Variants in STAT4 observed in about 807,000 individuals in gnomAD.
STAT4 encodes the protein signal transducer and activator of transcription 4.
STAT4 carries 42 observed loss-of-function variants against 110.5 expected under a neutral mutation model. The ratio of observed to expected loss-of-function variants is 0.38; its 90% confidence interval spans 0.30 to 0.49. The LOEUF is 0.49. Ranked by LOEUF, STAT4 falls within the 20% of genes least tolerant of loss-of-function variation. STAT4 has a pLI of 0.95. For synonymous variants in STAT4, 284 were observed against 302.2 expected (o/e 0.94, Z 0.63); for missense variants, 632 against 887.9 (o/e 0.71, Z 3.66).
At chr2:191,078,975 A>G (rs997978715) in intron 3 of STAT4, among the ~76,000 whole-genome samples, 3 of 152,026 alleles carry the variant, frequency 2.0e-5, no homozygotes, top group African/African-American at 4.8e-5. Flanking sequence ...TTTTTTCCAC[A>G]TGTCTACCAA....
rs1470089186 is a variant in STAT4, at chr2:191,046,152, G to C, written c.1252-5004C>G. Among the ~76,000 whole-genome samples, 3 of 152,228 alleles carry C rather than the reference G, an allele frequency of 2.0e-5. No individual in the cohort carries two copies. Among genetic ancestry groups the C allele is most frequent in the Non-Finnish European group, 4.4e-5 (3 of 68,040 alleles). On this transcript the variant is annotated intron_variant, in intron 14 of 23. Transcript: ENST00000392320. The surrounding 1 kb of genome is among the most constrained non-coding windows in gnomAD (Gnocchi z 4.6). The stretch of plus-strand genomic sequence containing the variant: ...TCACATTATCTCTGAGTTCAATGGT[G>C]CAGAACATTTGAGAGGCCTCAGGCA...
At chr2:191,070,860 G>C (rs188877339) in intron 5 of STAT4, among the ~76,000 whole-genome samples, 61 of 151,842 alleles carry the variant, frequency 4.0e-4, no homozygotes, top group Admixed American at 1.7e-3. Context: ...GGGGTGTGGG[G>C]GTGGGACGAA....
chr2:191,119,551 T>C (rs1307217573), intron 3 of STAT4, among the ~76,000 whole-genome samples: 1 of 152,176 alleles, frequency 6.6e-6, no homozygotes, highest in Non-Finnish European at 1.5e-5. Context: ...AAAAGATGTT[T>C]TGTGTTTAAG....
chr2:191,056,868 C>T (rs772490545), intron 13 of STAT4, among the ~76,000 whole-genome samples: 5 of 150,612 alleles, frequency 3.3e-5, no homozygotes, highest in South Asian at 4.2e-4. Flanking sequence ...CTGCAAACTC[C>T]GCCTCCCGGG....
chr2:191,092,633 G>A (rs888157278), intron 3 of STAT4, among the ~76,000 whole-genome samples: 4 of 152,280 alleles, frequency 2.6e-5, no homozygotes, highest in Admixed American at 2.6e-4. Flanking sequence ...TGTGATTGAT[G>A]CAGAAGACAG....
chr2:191,044,094 T>C (rs1345151777), intron 14 of STAT4, among the ~76,000 whole-genome samples: 1 of 152,134 alleles, frequency 6.6e-6, no homozygotes, highest in African/African-American at 2.4e-5. Context: ...TTTAAGCTAT[T>C]TGATGGGTGT....
intron 4 of STAT4, chr2:191,076,026 T>G: frequency 2.0e-6 from 1 of 487,876 alleles, no homozygotes; most frequent in South Asian, 2.8e-5. Flanking sequence ...ATTTTTAATT[T>G]TTTTTTTTTT....
rs1464810917 is a variant in STAT4 at position 191,148,071 on chromosome 2, C to G, written c.128+5G>C. 6.2e-7 allele frequency: 1 copy of G among 1,613,200 alleles called. No individual in the cohort carries two copies. The highest frequency in any genetic ancestry group is 8.5e-7 in the Non-Finnish European group (1 of 1,179,540). Reference sequence around the variant, plus strand: ...AACTTCTAGGGAAAATATGTTTGATCCTACCAGTCTTGATTTTCAATCCAT... The same window carrying G: ...AACTTCTAGGGAAAATATGTTTGATGCTACCAGTCTTGATTTTCAATCCAT... On this transcript the variant is annotated splice_donor_5th_base_variant and intron_variant, in intron 2 of 23. Coordinates refer to ENST00000392320, the MANE Select transcript of STAT4 (RefSeq NM_003151.4).
rs138643410 is a variant in STAT4 at position 191,142,716 on chromosome 2, C to T, written c.273+3897G>A. On this transcript the variant is annotated intron_variant, in intron 3 of 23. Coordinates refer to ENST00000392320, the MANE Select transcript of STAT4 (RefSeq NM_003151.4). The surrounding 1 kb of genome is among the most constrained non-coding windows in gnomAD (Gnocchi z 4.1). ...CATGGAATAAAATATTTCATGTACCCCATAAATATGTAAAGTATTGTATAT... is the reference window on the plus strand; with the variant it reads ...CATGGAATAAAATATTTCATGTACCTCATAAATATGTAAAGTATTGTATAT... 1.2e-4 allele frequency among the ~76,000 whole-genome samples: 18 copies of T among 151,946 alleles called. No individual in the cohort carries two copies. The highest frequency in any genetic ancestry group is 1.9e-4 in the Non-Finnish European group (13 of 67,980).
In STAT4 at chr2:191,056,784, T is replaced by A. The variant is rs902259602; in HGVS notation, c.1206+1234A>T. 3.2e-3 allele frequency among the ~76,000 whole-genome samples: 475 copies of A among 148,336 alleles called. 1 individual carries two copies. The highest frequency in any genetic ancestry group is 0.011 in the African/African-American group (449 of 40,180). ...TTATTGTTCCCTTCTACACTATTTT[T>A]TTTTTTTTTTTTTTTGGAGACTGAG... On this transcript the variant is annotated intron_variant, in intron 13 of 23. Coordinates refer to ENST00000392320, the MANE Select transcript of STAT4 (RefSeq NM_003151.4).
At position 191,090,709 on chromosome 2, in the gene STAT4, C is replaced by T. The variant is rs564386660; in HGVS notation, c.274-14384G>A. 8.6e-5 allele frequency among the ~76,000 whole-genome samples: 13 copies of T among 152,006 alleles called. No homozygotes were observed. Among genetic ancestry groups the T allele is most frequent in the South Asian group, 2.1e-4 (1 of 4,820 alleles). ...CCGAGCAGCTGGGACTAGAGGCACC[C>T]GCCACCATGCCCGGCTAATTTTTTG... is the stretch of plus-strand genomic sequence containing the variant. On this transcript the variant is annotated intron_variant, in intron 3 of 23. Transcript: ENST00000392320. This position sits in a 1 kb window ranked among gnomAD's most constrained non-coding sequence, Gnocchi z 4.2.
In STAT4 at chr2:191,031,063, T is replaced by A; in HGVS notation, c.2129A>T (p.Glu710Val). 1 of 1,613,984 alleles carries A rather than the reference T, an allele frequency of 6.2e-7. No homozygotes were observed. Among genetic ancestry groups the A allele is most frequent in the Non-Finnish European group, 8.5e-7 (1 of 1,179,850 alleles). ...PISTIRSDST[E>V]PHSPSDLLPM... The stretch of plus-strand genomic sequence containing the variant: ...AAGAAGGTCTGATGGAGAATGTGGC[T>A]CTGTTGAATCACTTCGGCTTAAAGA... The change falls in exon 23 of 24, where the codon GAG (glutamate) becomes GTG (valine). Residue 710 changes from glutamate (E) to valine (V), a missense_variant. This residue lies in a region of STAT4 where 32 missense variants were observed against 67.6 expected (regional missense o/e 0.47). Coordinates refer to ENST00000392320, the MANE Select transcript of STAT4 (RefSeq NM_003151.4). This position sits in a 1 kb window ranked among gnomAD's most constrained non-coding sequence, Gnocchi z 4.8.
At chr2:191,139,114 CATATATGA>C (rs1699254686) in intron 3 of STAT4, among the ~76,000 whole-genome samples, 1 of 151,380 alleles carries the variant, frequency 6.6e-6, no homozygotes, top group Non-Finnish European at 1.5e-5. Context: ...TAATAAAAGC[CATATATGA>C]CAAACCTACA....
rs567620470 is a variant in STAT4, at chr2:191,084,355, C to T, written c.274-8030G>A. 1.1e-4 allele frequency among the ~76,000 whole-genome samples: 16 copies of T among 152,074 alleles called. No homozygotes were observed. The South Asian group carries it at 2.5e-3, about 24-fold the overall frequency. Reference sequence around the variant, plus strand: ...TTGAGCCATTAGGATATGATGAAGCCTAGTTCTAGGGATGGTTCTTTGATC... The same window carrying T: ...TTGAGCCATTAGGATATGATGAAGCTTAGTTCTAGGGATGGTTCTTTGATC... On this transcript the variant is annotated intron_variant, in intron 3 of 23. Transcript: ENST00000392320.
At chr2:191,063,019 G>A (rs1201749478) in intron 8 of STAT4, 99 bp from the exon 9 acceptor site, 1 of 879,232 alleles carries the variant, frequency 1.1e-6, no homozygotes, top group Non-Finnish European at 1.6e-6. Context: ...AAATTATTAA[G>A]TAATTATTAA....
At chr2:191,126,060 G>A (rs190301916) in intron 3 of STAT4, among the ~76,000 whole-genome samples, 255 of 152,290 alleles carry the variant, frequency 1.7e-3, no homozygotes, top group African/African-American at 5.7e-3. Context: ...CTGCTTGACC[G>A]TTGCTCCCTT....
chr2:191,067,570 T>C (rs1697029373), intron 6 of STAT4, among the ~76,000 whole-genome samples: 3 of 152,190 alleles, frequency 2.0e-5, no homozygotes, highest in Admixed American at 1.3e-4. Flanking sequence ...GGTCCATTCA[T>C]TAACTTTAAA....
intron 3 of STAT4, among the ~76,000 whole-genome samples, chr2:191,088,469 T>A (rs1697700923): frequency 6.6e-6 from 1 of 152,186 alleles, no homozygotes; most frequent in South Asian, 2.1e-4. Context: ...ATAAGCAGAA[T>A]AAAGACTGTA....
At chr2:191,074,380 C>A (rs1484591874) in intron 4 of STAT4, among the ~76,000 whole-genome samples, 1 of 152,188 alleles carries the variant, frequency 6.6e-6, no homozygotes, top group Non-Finnish European at 1.5e-5. Flanking sequence ...CACACTCTTA[C>A]AATTGGTAAA....
Sources: allele counts gnomAD v4.1 joint callset (sites outside exome capture counted in the v4.1 genomes callset), GRCh38; gene constraint gnomAD v4.1.1; regional missense constraint gnomAD v4.1.1; non-coding constraint Gnocchi (gnomAD v3.1); transcripts MANE v1.5; gene names NCBI Gene and HGNC (gene_info 2026-07-23, HGNC 2026-07-21).